ARHGEF4: variants seen among roughly 807,000 people sequenced by gnomAD.
The protein encoded by ARHGEF4 is APC-stimulated guanine nucleotide exchange factor 1.
In ARHGEF4, 119 loss-of-function variants were observed where a neutral mutation model predicts 162.0. The ratio of observed to expected loss-of-function variants is 0.73; its 90% CI spans 0.63 to 0.86. ARHGEF4 has a LOEUF of 0.86. Among genes scored for constraint, ARHGEF4 ranks in the 40% least tolerant of loss-of-function variants. The probability of loss-of-function intolerance (pLI) is 0.00; values close to 1 mark genes in which losing one functional copy is unlikely to be tolerated. For synonymous variants in ARHGEF4, 1,014 were observed against 979.9 expected (o/e 1.03, Z -0.65); for missense variants, 2,488 against 2,456.0 (o/e 1.01, Z -0.28).
Position 131,043,374 on chromosome 2 carries a change from C to T in ARHGEF4, c.5026-78C>T, listed in dbSNP as rs533843632. ...GGCAAGGCCAGGGGGAGGTGCGCCA[C>T]CCACCCATGATGGGGGCAGGAAGTG... On this transcript the variant is annotated intron_variant, in intron 10 of 13. Coordinates refer to ENST00000409359, the MANE Select transcript of ARHGEF4 (RefSeq NM_001367493.1). The T allele has an allele frequency of 5.9e-4, 935 of 1,588,150 alleles. 8 individuals carry two copies. In the Admixed American group the frequency reaches 8.2e-3, roughly 14 times the overall value.
At chr2:131,041,652 T>G in intron 9 of ARHGEF4, 163 bp from the exon 10 acceptor site, 2 of 1,179,798 alleles carry the variant, frequency 1.7e-6, no homozygotes, top group Non-Finnish European at 2.4e-6. Context: ...TGCTCTGTGC[T>G]TGCCATTTAT....
At chr2:130,971,793 ACAT>A (rs1271032281) in intron 4 of ARHGEF4, among the ~76,000 whole-genome samples, 2 of 152,206 alleles carry the variant, frequency 1.3e-5, no homozygotes, top group African/African-American at 4.8e-5. Context: ...CAGTTTAGAA[ACAT>A]CATACATCTG....
At position 130,917,224 on chromosome 2, in the gene ARHGEF4, A is replaced by G. The variant is rs1196789936; in HGVS notation, c.3278A>G (p.Lys1093Arg). 6 of 1,550,462 alleles carry G rather than the reference A, an allele frequency of 3.9e-6. No homozygotes were observed. Among genetic ancestry groups the G allele is most frequent in the Non-Finnish European group, 4.4e-6 (5 of 1,146,956 alleles). The change falls in exon 2 of 14, where the codon AAG (lysine) becomes AGG (arginine). Residue 1093 changes from lysine (K) to arginine (R), a missense_variant. Physicochemically the swap from Lys to Arg is conservative, Grantham distance 26 (BLOSUM62 2). Coordinates refer to ENST00000409359, the MANE Select transcript of ARHGEF4 (RefSeq NM_001367493.1). Reference sequence around the variant, plus strand: ...ACGCCCTGCAGACCCACGAGCCCCAAGCCCCTGAGTCCCAGGCCTAGTGCT... The same window carrying G: ...ACGCCCTGCAGACCCACGAGCCCCAGGCCCCTGAGTCCCAGGCCTAGTGCT... ...PGTPCRPTSPKPLSPRPSAQR... is the reference protein window; with the variant it reads ...PGTPCRPTSPRPLSPRPSAQR...
intron 13 of ARHGEF4, chr2:131,045,737 G>C: frequency 1.4e-6 from 2 of 1,434,440 alleles, no homozygotes; most frequent in Non-Finnish European, 1.8e-6. Flanking sequence ...TGGGGTTGGT[G>C]TAGGGATGGA....
At chr2:131,017,153 C>T (rs1371846325) in intron 4 of ARHGEF4, among the ~76,000 whole-genome samples, 2 of 152,168 alleles carry the variant, frequency 1.3e-5, no homozygotes, top group African/African-American at 4.8e-5. Context: ...CTGCATACAC[C>T]GTGGGGCACA....
chr2:131,034,753 TGGCCAGCCCAG>T (rs1225877682), intron 5 of ARHGEF4, among the ~76,000 whole-genome samples: 1 of 152,022 alleles, frequency 6.6e-6, no homozygotes, highest in East Asian at 2.0e-4. Flanking sequence ...TCTGTGCCAC[TGGCCAGCCCAG>T]GGCCAGGACT....
intron 4 of ARHGEF4, among the ~76,000 whole-genome samples, chr2:131,009,082 T>C (rs887470228): frequency 2.0e-5 from 3 of 152,260 alleles, no homozygotes; most frequent in Non-Finnish European, 4.4e-5. Context: ...CTTGTAGTAA[T>C]CATTTGCTGG....
chr2:130,898,928 G>T (rs549004919), intron 1 of ARHGEF4, among the ~76,000 whole-genome samples: 1 of 152,164 alleles, frequency 6.6e-6, no homozygotes, highest in South Asian at 2.1e-4. Context: ...AAGATCCCCA[G>T]CCCACTCCCA....
At position 130,976,662 on chromosome 2, in the gene ARHGEF4, C is replaced by G. The variant is rs1685735189; in HGVS notation, c.3985+30027C>G. 2.0e-5 allele frequency among the ~76,000 whole-genome samples: 3 copies of G among 152,156 alleles called. No homozygotes were observed. In the South Asian group the frequency reaches 6.2e-4, roughly 32 times the overall value. ...TAAATACGAGTCCTAAAATCTCAAC[C>G]AAAAACTCGACGTGTAGGATGTGGT... On this transcript the variant is annotated intron_variant, in intron 4 of 13. Coordinates refer to ENST00000409359, the MANE Select transcript of ARHGEF4 (RefSeq NM_001367493.1).
At chr2:130,874,728 C>A (rs571908217) in intron 1 of ARHGEF4, among the ~76,000 whole-genome samples, 2 of 152,316 alleles carry the variant, frequency 1.3e-5, no homozygotes, top group South Asian at 2.1e-4. Flanking sequence ...CCACATGGAA[C>A]ATTGCCATCA....
chr2:130,999,311 C>T (rs552193865), intron 4 of ARHGEF4, among the ~76,000 whole-genome samples: 30 of 152,048 alleles, frequency 2.0e-4, no homozygotes, highest in Middle Eastern at 6.8e-3. Context: ...CCCGCCACCA[C>T]GCCTGGCTAA....
At chr2:130,880,641 C>G (rs532644177) in intron 1 of ARHGEF4, among the ~76,000 whole-genome samples, 1 of 152,276 alleles carries the variant, frequency 6.6e-6, no homozygotes, top group African/African-American at 2.4e-5. Context: ...CTCAAATGAT[C>G]CTCCTGCCCC....
chr2:131,045,034 A>G (rs7578416), intron 12 of ARHGEF4, among the ~76,000 whole-genome samples: 2,724 of 152,248 alleles, frequency 0.018, 82 homozygotes, highest in African/African-American at 0.06. Flanking sequence ...TACCCGCCAC[A>G]GTGACCAGGT....
intron 4 of ARHGEF4, among the ~76,000 whole-genome samples, chr2:131,003,464 A>G (rs762076821): frequency 1.3e-5 from 2 of 152,194 alleles, no homozygotes; most frequent in African/African-American, 2.4e-5. Flanking sequence ...GTTCTGGCCA[A>G]GGCAGAGACC....
At chr2:131,031,309 C>T (rs535180261) in intron 5 of ARHGEF4, among the ~76,000 whole-genome samples, 1 of 152,332 alleles carries the variant, frequency 6.6e-6, no homozygotes, top group Non-Finnish European at 1.5e-5. Flanking sequence ...GCCTGGAGAG[C>T]GGCCCACTCG....
intron 1 of ARHGEF4, among the ~76,000 whole-genome samples, chr2:130,865,429 G>A (rs1318754102): frequency 1.3e-5 from 2 of 152,198 alleles, no homozygotes; most frequent in African/African-American, 4.8e-5. Context: ...TGCAGTTATT[G>A]TTTCCAGAAC....
intron 2 of ARHGEF4, among the ~76,000 whole-genome samples, chr2:130,920,209 A>G (rs563237647): frequency 6.6e-6 from 1 of 152,326 alleles, no homozygotes; most frequent in African/African-American, 2.4e-5. Context: ...CCCAGGCTCA[A>G]GCAATCCTCT....
intron 4 of ARHGEF4, among the ~76,000 whole-genome samples, chr2:130,985,897 C>T (rs1686454237): frequency 2.0e-5 from 3 of 150,508 alleles, no homozygotes; most frequent in East Asian, 3.9e-4. Flanking sequence ...ATGTTGTGTG[C>T]ATTGTGAGTG....
chr2:130,905,842 CAT>C (rs1680780685), intron 1 of ARHGEF4, among the ~76,000 whole-genome samples: 1 of 152,134 alleles, frequency 6.6e-6, no homozygotes, highest in African/African-American at 2.4e-5. Context: ...CAGGAAATAT[CAT>C]AGTGTATATA....
Sources: allele counts gnomAD v4.1 joint callset (sites outside exome capture counted in the v4.1 genomes callset), GRCh38; gene constraint gnomAD v4.1.1; transcripts MANE v1.5; gene names NCBI Gene and HGNC (gene_info 2026-07-23, HGNC 2026-07-21).